The following AGMO variants were observed in gnomAD, a reference collection of about 807,000 sequenced individuals.
AGMO encodes alkylglycerol monooxygenase.
A neutral mutation model predicts 60.2 loss-of-function variants in AGMO; 75 were observed. That is an observed-to-expected ratio of 1.25 (90% CI 1.03 to 1.51). AGMO has a LOEUF of 1.51. Ranked by LOEUF, AGMO falls within the 40% of genes most tolerant of loss-of-function variation. The pLI, the probability that AGMO is intolerant of heterozygous loss-of-function variation, is 0.00. For synonymous variants in AGMO, 261 were observed against 177.1 expected (o/e 1.47, Z -3.76); for missense variants, 763 against 525.5 (o/e 1.45, Z -4.42).
At chr7:15,357,666 A>C (rs1782589882) in intron 12 of AGMO, among the ~76,000 whole-genome samples, 2 of 152,284 alleles carry the variant, frequency 1.3e-5, no homozygotes, top group Non-Finnish European at 2.9e-5. Flanking sequence ...AATGTACAGA[A>C]CTTGGCCTGG....
intron 12 of AGMO, among the ~76,000 whole-genome samples, chr7:15,253,667 C>G (rs1783012825): frequency 6.6e-6 from 1 of 152,088 alleles, no homozygotes; most frequent in Non-Finnish European, 1.5e-5. Flanking sequence ...GTATATCCAT[C>G]ACCAGAAACG....
intron 3 of AGMO, among the ~76,000 whole-genome samples, chr7:15,542,193 T>C (rs1165659843): frequency 6.6e-6 from 1 of 152,164 alleles, no homozygotes; most frequent in Non-Finnish European, 1.5e-5. Context: ...GGTTGATACA[T>C]TTAAATAAGT....
chr7:15,383,937 T>A (rs373433571), intron 10 of AGMO, among the ~76,000 whole-genome samples: 1 of 152,236 alleles, frequency 6.6e-6, no homozygotes, highest in East Asian at 1.9e-4. Context: ...TCCATCTATT[T>A]TTTTTTTCGT....
At chr7:15,500,812 G>T (rs1393882477) in intron 3 of AGMO, among the ~76,000 whole-genome samples, 1 of 151,794 alleles carries the variant, frequency 6.6e-6, no homozygotes, top group Non-Finnish European at 1.5e-5. Context: ...CCAACTTTTA[G>T]ATGTGGGCCT....
intron 5 of AGMO, among the ~76,000 whole-genome samples, chr7:15,409,468 AC>A (rs1483112026): frequency 1.3e-5 from 2 of 151,904 alleles, no homozygotes; most frequent in African/African-American, 2.4e-5. Context: ...TAGAATATCA[AC>A]GTTCTTAGCC....
intron 3 of AGMO, among the ~76,000 whole-genome samples, chr7:15,531,229 AT>A (rs1784330536): frequency 1.2e-5 from 1 of 80,928 alleles, no homozygotes; most frequent in Non-Finnish European, 2.2e-5. Context: ...TATATATTCT[AT>A]ATATATATTC....
In AGMO at chr7:15,441,293, G is replaced by C. The variant is rs183395966; in HGVS notation, c.410-10185C>G. On this transcript the variant is annotated intron_variant, in intron 3 of 12. Transcript: ENST00000342526. ...TAGATAAAAATACTTTGAAATAAAA[G>C]TTATCAGTACTACATTATAAAATAA... Among the ~76,000 whole-genome samples, 9 of 152,264 alleles carry C rather than the reference G, an allele frequency of 5.9e-5. No individual in the cohort carries two copies. In the East Asian group the frequency reaches 1.7e-3, roughly 29 times the overall value.
At chr7:15,236,625 G>A (rs946182751) in intron 12 of AGMO, among the ~76,000 whole-genome samples, 6 of 152,066 alleles carry the variant, frequency 3.9e-5, no homozygotes, top group East Asian at 1.9e-4. Flanking sequence ...GCCAGTCATC[G>A]ATGATATTAT....
At chr7:15,420,220 G>A (rs10215934) in intron 4 of AGMO, among the ~76,000 whole-genome samples, 10,551 of 152,046 alleles carry the variant, frequency 0.069, 528 homozygotes, top group African/African-American at 0.13. Flanking sequence ...CAGATAAGTC[G>A]TGAAGTGGTA....
At chr7:15,237,766 A>G (rs150027861) in intron 12 of AGMO, among the ~76,000 whole-genome samples, 5 of 152,216 alleles carry the variant, frequency 3.3e-5, no homozygotes, top group Admixed American at 3.3e-4. Flanking sequence ...AAGTGTAGAC[A>G]GGCTTTCTTC....
intron 12 of AGMO, among the ~76,000 whole-genome samples, chr7:15,301,385 G>A (rs1199231125): frequency 6.6e-6 from 1 of 152,020 alleles, no homozygotes; most frequent in Non-Finnish European, 1.5e-5. Flanking sequence ...GTTGCAGTGA[G>A]CCAAGATCAC....
intron 3 of AGMO, among the ~76,000 whole-genome samples, chr7:15,542,366 T>C (rs1330739035): frequency 6.6e-6 from 1 of 152,186 alleles, no homozygotes; most frequent in Non-Finnish European, 1.5e-5. Context: ...ATGAGAAGCA[T>C]ACTTTAAATA....
chr7:15,519,447 A>C (rs1384446011), intron 3 of AGMO, among the ~76,000 whole-genome samples: 1 of 152,198 alleles, frequency 6.6e-6, no homozygotes, highest in Non-Finnish European at 1.5e-5. Flanking sequence ...CAACAGACTA[A>C]CAGCAGATCT....
chr7:15,457,633 A>G (rs1300652412), intron 3 of AGMO, among the ~76,000 whole-genome samples: 3 of 152,188 alleles, frequency 2.0e-5, no homozygotes, highest in African/African-American at 4.8e-5. Context: ...TTGATTAATA[A>G]GTTTGTCAAA....
intron 12 of AGMO, among the ~76,000 whole-genome samples, chr7:15,207,672 C>A (rs760452282): frequency 1.3e-5 from 2 of 152,236 alleles, no homozygotes; most frequent in South Asian, 2.1e-4. Flanking sequence ...TGGTGGCTCA[C>A]GCCTGTAATC....
chr7:15,337,009 CG>C (rs377284778), intron 12 of AGMO, among the ~76,000 whole-genome samples: 24 of 152,280 alleles, frequency 1.6e-4, no homozygotes, highest in Admixed American at 3.3e-4. Flanking sequence ...GGCACTCAAA[CG>C]TATGTAACTG....
At chr7:15,254,981 A>G (rs553153945) in intron 12 of AGMO, among the ~76,000 whole-genome samples, 186 of 152,338 alleles carry the variant, frequency 1.2e-3, no homozygotes, top group African/African-American at 4.3e-3. Flanking sequence ...AAAAGTGTCA[A>G]TCAAAGAAAA....
chr7:15,338,679 G>A (rs1781739053), intron 12 of AGMO, among the ~76,000 whole-genome samples: 1 of 152,092 alleles, frequency 6.6e-6, no homozygotes, highest in South Asian at 2.1e-4. Flanking sequence ...AAGGGCTGAA[G>A]GGCTATATAC....
intron 3 of AGMO, among the ~76,000 whole-genome samples, chr7:15,493,535 G>C (rs962760031): frequency 1.3e-5 from 2 of 151,034 alleles, no homozygotes; most frequent in African/African-American, 4.9e-5. Context: ...CACCACACCC[G>C]GCTAATTTTT....
Sources: allele counts gnomAD v4.1 joint callset (sites outside exome capture counted in the v4.1 genomes callset), GRCh38; gene constraint gnomAD v4.1.1; transcripts MANE v1.5; gene names NCBI Gene and HGNC (gene_info 2026-07-23, HGNC 2026-07-21).